Variants in NCKAP1L observed in about 807,000 individuals in gnomAD.
The protein encoded by NCKAP1L is NCK associated protein 1 like, also known as nck-associated protein 1-like.
Under a neutral mutation model 139.2 loss-of-function variants are expected in NCKAP1L, and 53 were observed. That is an observed-to-expected ratio of 0.38 (90% CI 0.31 to 0.48). NCKAP1L has a LOEUF of 0.48. Among genes scored for constraint, NCKAP1L ranks in the 20% least tolerant of loss-of-function variants. The pLI is 0.98. For missense variants in NCKAP1L, 1,151 were observed against 1,381.9 expected (o/e 0.83, Z 2.65); for synonymous variants, 468 against 499.7 (o/e 0.94, Z 0.85).
At chr12:54,527,773 C>A (rs1169734963) in intron 21 of NCKAP1L, among the ~76,000 whole-genome samples, 2 of 152,200 alleles carry the variant, frequency 1.3e-5, no homozygotes, top group Non-Finnish European at 2.9e-5. Flanking sequence ...TGTAGCCCAG[C>A]TCCTTTAAGT....
At chr12:54,523,333 T>A (rs1177212498) in intron 18 of NCKAP1L, 61 bp from the exon 19 acceptor site, 3 of 1,558,358 alleles carry the variant, frequency 1.9e-6, no homozygotes, top group Non-Finnish European at 2.6e-6. Flanking sequence ...TTTTTATAAC[T>A]GTCAGGTGCC....
At chr12:54,510,040 T>C (rs1956875082) in intron 7 of NCKAP1L, 55 bp downstream of exon 7, 1 of 1,602,726 alleles carries the variant, frequency 6.2e-7, no homozygotes, top group Non-Finnish European at 8.5e-7. Flanking sequence ...AAGGCCATCA[T>C]CTCTGTAGAG....
chr12:54,524,368 A>G (rs1233179759), intron 20 of NCKAP1L, among the ~76,000 whole-genome samples: 1 of 152,230 alleles, frequency 6.6e-6, no homozygotes, highest in Non-Finnish European at 1.5e-5. Context: ...AGAATTACCC[A>G]TAATTGAGAG....
intron 3 of NCKAP1L, chr12:54,500,950 G>A (rs546531319): frequency 5.5e-6 from 1 of 180,316 alleles, no homozygotes; most frequent in Non-Finnish European, 1.2e-5. Context: ...GGCTATGCAT[G>A]TTTTTTCTAT....
chr12:54,541,516 T>C (rs1025640758), intron 30 of NCKAP1L, among the ~76,000 whole-genome samples: 3 of 152,246 alleles, frequency 2.0e-5, no homozygotes, highest in Admixed American at 1.3e-4. Flanking sequence ...AAGAAATTCT[T>C]TGATATTTAA....
At chr12:54,516,217 T>G (rs1473658415) in intron 9 of NCKAP1L, 22 bp from the exon 10 acceptor site, 1 of 1,613,576 alleles carries the variant, frequency 6.2e-7, no homozygotes, top group East Asian at 2.2e-5. Flanking sequence ...GTCAACCCCA[T>G]TGTGCTTGTG....
chr12:54,528,189 A>T, intron 21 of NCKAP1L, 58 bp from the exon 22 acceptor site: 1 of 1,584,848 alleles, frequency 6.3e-7, no homozygotes, highest in Non-Finnish European at 8.6e-7. Flanking sequence ...GTAGTAGGGA[A>T]TGCTGGTAGG....
At chr12:54,528,743 A>G (rs1957045702) in intron 22 of NCKAP1L, among the ~76,000 whole-genome samples, 1 of 151,656 alleles carries the variant, frequency 6.6e-6, no homozygotes, top group Admixed American at 6.6e-5. Flanking sequence ...CTCCTGCCTC[A>G]GCCTCCCGAA....
intron 1 of NCKAP1L, among the ~76,000 whole-genome samples, chr12:54,499,069 T>C (rs1218559031): frequency 6.6e-6 from 1 of 151,864 alleles, no homozygotes; most frequent in African/African-American, 2.4e-5. Flanking sequence ...GGGACTACAG[T>C]TGTGCACCAC....
Position 54,547,967 on chromosome 12 carries a change from C to T in NCKAP1L, c.*5282C>T, listed in dbSNP as rs1037391834. On this transcript the variant is annotated 3_prime_UTR_variant, in exon 31 of 31. Coordinates refer to ENST00000293373, the MANE Select transcript of NCKAP1L (RefSeq NM_005337.5). ...TTTTCTCCATCTCTGACTCTGCCAT[C>T]TCTTTCTGCCTCTGTACTTTCTGGG... 6.6e-6 allele frequency: 1 copy of T among 152,258 alleles called. No individual in the cohort carries two copies. The highest frequency in any genetic ancestry group is 1.5e-5 in the Non-Finnish European group (1 of 68,048). 9.4% of individuals were successfully genotyped at this position (152,258 alleles called of 1,614,324 possible).
intron 18 of NCKAP1L, among the ~76,000 whole-genome samples, chr12:54,521,509 T>C (rs1433614379): frequency 6.6e-6 from 1 of 152,176 alleles, no homozygotes; most frequent in Non-Finnish European, 1.5e-5. Flanking sequence ...ACTTGAAGAG[T>C]TCTGAGAGAT....
In NCKAP1L at chr12:54,535,125, C is replaced by T; in HGVS notation, c.2884C>T (p.Leu962=). ...CCAGGTGACCTTGAGTATCTTTGAG[C>T]TGGCATCTGCTGCAGGTGTGGGCTG... ...DIKVTLSIFE[L]ASAAGVGCDI... is the part of the protein sequence containing the mutation. The change falls in exon 27 of 31, where the codon CTG becomes TTG. Residue 962 remains leucine (L), a synonymous_variant. Transcript: ENST00000293373. 1 of 1,613,278 alleles carries T rather than the reference C, an allele frequency of 6.2e-7. No individual in the cohort carries two copies. Among genetic ancestry groups the T allele is most frequent in the Non-Finnish European group, 8.5e-7 (1 of 1,179,562 alleles).
chr12:54,536,403 T>A, intron 28 of NCKAP1L, 158 bp downstream of exon 28: 1 of 567,948 alleles, frequency 1.8e-6, no homozygotes, highest in Non-Finnish European at 3.2e-6. Flanking sequence ...CTCATGCCTG[T>A]AATCCTAGCA....
chr12:54,509,751 C>T lies in NCKAP1L; in HGVS notation c.589C>T (p.His197Tyr). The change falls in exon 6 of 31, where the codon CAC becomes TAC. Residue 197 changes from histidine (H) to tyrosine (Y), a missense_variant. By Grantham distance (83) the His-to-Tyr change is moderately conservative (BLOSUM62 2). Coordinates refer to ENST00000293373, the MANE Select transcript of NCKAP1L (RefSeq NM_005337.5). ...GAAGCTGACAGAAGAGTTTGGGCCT[C>T]ACACAAAGGCAAGTTCCCTGACAAT... Reference protein sequence around the residue: ...LKKLTEEFGPHTKAVSGALLS... With the variant: ...LKKLTEEFGPYTKAVSGALLS... 6.2e-7 allele frequency: 1 copy of T among 1,614,186 alleles called. No individual in the cohort carries two copies. The highest frequency in any genetic ancestry group is 8.5e-7 in the Non-Finnish European group (1 of 1,180,014).
At position 54,502,827 on chromosome 12, in the gene NCKAP1L, A is replaced by C. The variant is rs201200701; in HGVS notation, c.306+2202A>C. Among the ~76,000 whole-genome samples the C allele has an allele frequency of 1.1e-3, 137 of 128,672 alleles. No individual in the cohort carries two copies. In the Middle Eastern group the frequency reaches 0.029, roughly 27 times the overall value. The allele number at this position is 128,672 out of a possible 152,430, so 84.4% of individuals were successfully genotyped here. ...CATGGTGAAACCCCATCTACACAAA[A>C]AAAAAAAAAAAAAAAAAAAAATTAG... On this transcript the variant is annotated intron_variant, in intron 3 of 30. Coordinates refer to ENST00000293373, the MANE Select transcript of NCKAP1L (RefSeq NM_005337.5).
Position 54,531,532 on chromosome 12 carries a change from A to C in NCKAP1L, c.2646A>C (p.Arg882Ser). 6.2e-7 allele frequency: 1 copy of C among 1,614,158 alleles called. No individual in the cohort carries two copies. The highest frequency in any genetic ancestry group is 8.5e-7 in the Non-Finnish European group (1 of 1,180,020). ...ACATGGACATACTTGTTCAGATCAG[A>C]TCCAACTTTAGCAAGCCGGACTTGA... Reference protein sequence around the residue: ...VENMDILVQIRSNFSKPDLMA... With the variant: ...VENMDILVQISSNFSKPDLMA... Residue 882 changes from arginine (R) to serine (S), a missense_variant, in exon 24 of 31, where the codon AGA (arginine) becomes AGC (serine). Arg to Ser is a moderately radical substitution (Grantham distance 110, BLOSUM62 -1). Transcript: ENST00000293373.
chr12:54,520,360 A>C (rs189556707), intron 16 of NCKAP1L, among the ~76,000 whole-genome samples: 2 of 152,318 alleles, frequency 1.3e-5, no homozygotes, highest in Admixed American at 1.3e-4. Flanking sequence ...AGGACTTCTA[A>C]ATTAGGGGGA....
At chr12:54,521,841 A>C (rs564217583) in intron 18 of NCKAP1L, among the ~76,000 whole-genome samples, 1 of 151,458 alleles carries the variant, frequency 6.6e-6, no homozygotes, top group Admixed American at 6.6e-5. Context: ...CAGACTACCC[A>C]CCTTTCCTGG....
At chr12:54,526,807 G>T in intron 21 of NCKAP1L, 61 bp downstream of exon 21, 11 of 1,442,750 alleles carry the variant, frequency 7.6e-6, no homozygotes, top group Non-Finnish European at 1.1e-5. Context: ...TCCTTTACAC[G>T]GTAGGACCTC....
Sources: allele counts gnomAD v4.1 joint callset (sites outside exome capture counted in the v4.1 genomes callset), GRCh38; gene constraint gnomAD v4.1.1; transcripts MANE v1.5; gene names NCBI Gene and HGNC (gene_info 2026-07-23, HGNC 2026-07-21).